Variants in C2CD2 observed in about 807,000 individuals in gnomAD.
C2CD2 encodes the protein C2 calcium dependent domain containing 2, also known as C2 domain-containing protein 2.
Under a neutral mutation model 74.3 loss-of-function variants are expected in C2CD2, and 43 were observed. The ratio of observed to expected loss-of-function variants is 0.58; its 90% CI spans 0.45 to 0.75. The LOEUF (loss-of-function observed/expected upper bound fraction) is 0.75, where lower values mean the gene tolerates loss of function less well. C2CD2 is among the 30% of genes least tolerant of loss of function. C2CD2 has a pLI of 0.00. For synonymous variants in C2CD2, 422 were observed against 390.7 expected, an observed-to-expected ratio of 1.08 and a Z score of -0.94; for missense variants, 801 against 916.3, an observed-to-expected ratio of 0.87 and a Z score of 1.63.
At chr21:41,947,137 T>TCTCTCTCTCTCTCTCTCTCTCTCTCG (rs778013814) in intron 1 of C2CD2, among the ~76,000 whole-genome samples, 1 of 25,638 alleles carries the variant, frequency 3.9e-5, no homozygotes, top group East Asian at 3.3e-4. Context: ...TCTCTCTCTC[T>TCTCTCTCTCTCTCTCTCTCTCTCTCG]CTCCCTCCCT....
chr21:41,953,836 G>T lies in C2CD2; in HGVS notation c.-188C>A. 1 of 374,604 alleles carries T rather than the reference G, an allele frequency of 2.7e-6. No individual in the cohort carries two copies. Among genetic ancestry groups the T allele is most frequent in the Non-Finnish European group, 4.3e-6 (1 of 231,764 alleles). The allele number at this position is 374,604 out of a possible 1,614,324, so 23.2% of individuals were successfully genotyped here. ...GCAAGCGGGGAGGAAACGCGCGGCG[G>T]CCGCGGCCCGGGCTGGGCGCAAGCC... On this transcript the variant is annotated 5_prime_UTR_variant, in exon 1 of 14. Coordinates refer to ENST00000380486, the MANE Select transcript of C2CD2 (RefSeq NM_015500.2).
intron 6 of C2CD2, among the ~76,000 whole-genome samples, chr21:41,914,118 AGGGAGGCT>A (rs1312610318): frequency 2.0e-5 from 3 of 151,956 alleles, no homozygotes; most frequent in Non-Finnish European, 4.4e-5. Context: ...CCCAGCTACT[AGGGAGGCT>A]GAGGCAGGAG....
chr21:41,919,129 C>A, intron 3 of C2CD2, 169 bp from the exon 4 acceptor site: 2 of 622,346 alleles, frequency 3.2e-6, no homozygotes, highest in Non-Finnish European at 5.8e-6. Flanking sequence ...CGCATGTGTG[C>A]ATATGAGCAT....
chr21:41,941,458 G>A (rs935800133), intron 2 of C2CD2, among the ~76,000 whole-genome samples: 2 of 152,166 alleles, frequency 1.3e-5, no homozygotes, highest in Non-Finnish European at 2.9e-5. Context: ...CTAGTAAGTG[G>A]AGCACATAAA....
chr21:41,946,964 C>T (rs866064793), intron 1 of C2CD2, among the ~76,000 whole-genome samples: 1 of 152,332 alleles, frequency 6.6e-6, no homozygotes, highest in East Asian at 1.9e-4. Context: ...GAAGGAACAA[C>T]TCAACGCCAC....
intron 2 of C2CD2, among the ~76,000 whole-genome samples, chr21:41,930,758 A>T (rs1280748593): frequency 6.7e-6 from 1 of 150,308 alleles, no homozygotes; most frequent in Non-Finnish European, 1.5e-5. Flanking sequence ...TTCGGTTACA[A>T]TATTTCCTAA....
At chr21:41,897,295 G>T (rs999813342) in intron 13 of C2CD2, among the ~76,000 whole-genome samples, 1 of 152,200 alleles carries the variant, frequency 6.6e-6, no homozygotes, top group South Asian at 2.1e-4. Flanking sequence ...GCGGACGGGG[G>T]GTTGGGTTCT....
rs760251329 is a variant in C2CD2, at chr21:41,926,075, C to T, written c.379-3990G>A. ...AATAGAAGCAATTATTTGGCATAGG[C>T]GGCAGTGACAGTGAACTCCTCAGAG... On this transcript the variant is annotated intron_variant, in intron 2 of 13. Coordinates refer to ENST00000380486, the MANE Select transcript of C2CD2 (RefSeq NM_015500.2). The surrounding 1 kb of genome is among the most constrained non-coding windows in gnomAD (Gnocchi z 8.0). Among the ~76,000 whole-genome samples, 12 of 152,268 alleles carry T rather than the reference C, an allele frequency of 7.9e-5. No individual in the cohort carries two copies. Among genetic ancestry groups the T allele is most frequent in the Admixed American group, 2.6e-4 (4 of 15,300 alleles).
intron 1 of C2CD2, chr21:41,952,925 A>C: frequency 6.2e-6 from 1 of 161,056 alleles, no homozygotes; most frequent in Non-Finnish European, 1.3e-5. Context: ...AAGAAATGCA[A>C]GTCTTTGGAG....
chr21:41,907,042 A>C lies in C2CD2; in HGVS notation c.1268T>G (p.Val423Gly). 1 of 1,614,122 alleles carries C rather than the reference A, an allele frequency of 6.2e-7. No individual in the cohort carries two copies. The highest frequency in any genetic ancestry group is 8.5e-7 in the Non-Finnish European group (1 of 1,179,964). ...CGTVVTTVTAVKTKPRVDVGR... is the reference protein window; with the variant it reads ...CGTVVTTVTAGKTKPRVDVGR... ...CACGTCGACGCGAGGCTTGGTCTTC[A>C]CAGCAGTGACAGTAGTGACCACAGT... Residue 423 changes from valine (V) to glycine (G), a missense_variant, in exon 10 of 14, where the codon GTG becomes GGG. By Grantham distance (109) the Val-to-Gly change is moderately radical. Transcript: ENST00000380486.
chr21:41,905,968 G>T, intron 10 of C2CD2, 131 bp from the exon 11 acceptor site: 1 of 689,230 alleles, frequency 1.5e-6, no homozygotes, highest in Non-Finnish European at 2.6e-6. Flanking sequence ...CTTAACGAAA[G>T]CTGTTTTGAG....
intron 2 of C2CD2, among the ~76,000 whole-genome samples, chr21:41,930,934 G>A (rs1351600691): frequency 6.7e-6 from 1 of 149,954 alleles, no homozygotes; most frequent in African/African-American, 2.4e-5. Context: ...CTGAACCTGC[G>A]GGGGAAGGGC....
At chr21:41,947,937 G>C (rs1285496633) in intron 1 of C2CD2, among the ~76,000 whole-genome samples, 1 of 152,212 alleles carries the variant, frequency 6.6e-6, no homozygotes, top group Admixed American at 6.5e-5. Context: ...AGGGGCCCGC[G>C]GGAGTGGAAG....
At chr21:41,943,104 CAGCCT>C (rs923887539) in intron 1 of C2CD2, 10 of 175,352 alleles carry the variant, frequency 5.7e-5, no homozygotes, top group Non-Finnish European at 9.0e-5. Flanking sequence ...AGTTCGAGAC[CAGCCT>C]GGCCAACACG....
chr21:41,903,159 CA>C lies in C2CD2; in HGVS notation c.1433-1411del, dbSNP rs1205816239. Reference sequence around the variant, plus strand: ...CCACGGAGATCAAAGCTCCCACACTCAGGACCCTCCCAGACTGTGCCCTGAG... The same window carrying C: ...CCACGGAGATCAAAGCTCCCACACTCGGACCCTCCCAGACTGTGCCCTGAG... On this transcript the variant is annotated intron_variant, in intron 11 of 13. Coordinates refer to ENST00000380486, the MANE Select transcript of C2CD2 (RefSeq NM_015500.2). This position sits in a 1 kb window ranked among gnomAD's most constrained non-coding sequence, Gnocchi z 4.5. Among the ~76,000 whole-genome samples the C allele has an allele frequency of 2.0e-5, 3 of 152,222 alleles. No individual in the cohort carries two copies. The highest frequency in any genetic ancestry group is 4.8e-5 in the African/African-American group (2 of 41,456).
intron 7 of C2CD2, 130 bp from the exon 8 acceptor site, chr21:41,909,653 T>G (rs893045160): frequency 5.3e-5 from 38 of 712,436 alleles, no homozygotes; most frequent in Non-Finnish European, 8.7e-5. Flanking sequence ...CCAAGACATA[T>G]AAGCAAAAAA....
At chr21:41,914,960 C>T (rs796574112) in intron 5 of C2CD2, among the ~76,000 whole-genome samples, 3 of 152,292 alleles carry the variant, frequency 2.0e-5, no homozygotes, top group Admixed American at 6.5e-5. Flanking sequence ...CCAAATACAG[C>T]AAGTACAAGT....
In C2CD2 at chr21:41,914,715, G is replaced by GT; in HGVS notation, c.726dup (p.Gln243ThrfsTer14). 1.9e-6 allele frequency: 3 copies of GT among 1,611,756 alleles called. No homozygotes were observed. Among genetic ancestry groups the GT allele is most frequent in the Non-Finnish European group, 2.5e-6 (3 of 1,178,952 alleles). ...TCCTGAGCAGTAGATGCAGCACACTGTAAGTTCTGAAAAAATAAAGAGCAC... is the reference window on the plus strand; with the variant it reads ...TCCTGAGCAGTAGATGCAGCACACTGTTAAGTTCTGAAAAAATAAAGAGCAC... On this transcript the variant is annotated frameshift_variant, in exon 6 of 14. Coordinates refer to ENST00000380486, the MANE Select transcript of C2CD2 (RefSeq NM_015500.2). LOFTEE classifies it high-confidence loss of function.
chr21:41,928,517 T>C (rs1324304975), intron 2 of C2CD2, among the ~76,000 whole-genome samples: 1 of 115,970 alleles, frequency 8.6e-6, no homozygotes, highest in Non-Finnish European at 1.6e-5. Context: ...ATGGAATACC[T>C]GGAATTTCAA....
Sources: gnomAD v4.1 joint callset for allele counts (sites outside exome capture counted in the v4.1 genomes callset) on GRCh38, gnomAD v4.1.1 for gene constraint, Gnocchi (gnomAD v3.1) non-coding constraint, MANE v1.5 for transcripts, NCBI Gene and HGNC (gene_info 2026-07-23, HGNC 2026-07-21) for gene names.